PAQR7: variants seen among roughly 807,000 people sequenced by gnomAD.
PAQR7 encodes progestin and adipoQ receptor family member 7, also known as membrane progestin receptor alpha.
Under a neutral mutation model 24.6 loss-of-function variants are expected in PAQR7, and 14 were observed. That is an observed-to-expected ratio of 0.57 (90% CI 0.38 to 0.89). PAQR7 has a LOEUF of 0.89. Among genes scored for constraint, PAQR7 ranks in the 40% least tolerant of loss-of-function variants. The pLI is 0.00. For missense variants in PAQR7, 351 were observed against 444.0 expected (o/e 0.79, Z 1.88); for synonymous variants, 189 against 198.8 (o/e 0.95, Z 0.42).
Position 25,863,829 on chromosome 1 carries a change from G to A in PAQR7, c.11C>T (p.Ala4Val). Reference protein sequence around the residue: MAMAQKLSHLLPSL... With the variant: MAMVQKLSHLLPSL... ...CGGCAGGAGGTGGCTGAGTTTCTGG[G>A]CCATGGCCATGGCTGTGGGCCTGGG... The change falls in exon 3 of 3, where the codon GCC becomes GTC. Residue 4 changes from alanine to valine, a missense_variant. Ala to Val is a moderately conservative substitution (Grantham distance 64, BLOSUM62 0). Transcript: ENST00000675840. This position sits in a 1 kb window ranked among gnomAD's most constrained non-coding sequence, Gnocchi z 6.1. 6.2e-7 allele frequency: 1 copy of A among 1,610,520 alleles called. No homozygotes were observed. The highest frequency in any genetic ancestry group is 8.5e-7 in the Non-Finnish European group (1 of 1,178,184).
At chr1:25,874,193 T>TTC (rs1298560485) in intron 1 of PAQR7, among the ~76,000 whole-genome samples, 1 of 151,298 alleles carries the variant, frequency 6.6e-6, no homozygotes, top group Non-Finnish European at 1.5e-5. Flanking sequence ...TTTTTTTTTT[T>TTC]TTTTTAAACA....
rs1572276297 is a variant in PAQR7 at position 25,863,947 on chromosome 1, A to C, written c.-22-86T>G. On this transcript the variant is annotated intron_variant, in intron 2 of 2. Transcript: ENST00000675840. The surrounding 1 kb of genome is among the most constrained non-coding windows in gnomAD (Gnocchi z 6.1). ...TGGGGGGCTCTGATGCCCAAATCCT[A>C]CTCCCTCCTCTCCGACAGCCTTATC... 1.0e-6 allele frequency: 1 copy of C among 973,994 alleles called. No homozygotes were observed. Among genetic ancestry groups the C allele is most frequent in the Non-Finnish European group, 1.5e-6 (1 of 668,524 alleles). The allele number at this position is 973,994 out of a possible 1,614,324, so 60.3% of individuals were successfully genotyped here.
chr1:25,870,919 T>A (rs908738923), intron 1 of PAQR7: 8 of 152,320 alleles, frequency 5.3e-5, no homozygotes, highest in Admixed American at 2.6e-4. Flanking sequence ...GCTGTAAAGA[T>A]TAAATTTATT....
chr1:25,875,251 C>T lies in PAQR7; in HGVS notation c.-109+237G>A, dbSNP rs959900227. Among the ~76,000 whole-genome samples the T allele has an allele frequency of 3.3e-5, 5 of 152,204 alleles. No homozygotes were observed. The highest frequency in any genetic ancestry group is 1.2e-4 in the African/African-American group (5 of 41,462). The stretch of plus-strand genomic sequence containing the variant: ...CCAAGACGCCCCCATCCAGCGAGCT[C>T]CTCCTTCCTGCGCCCTCCGCTGGCT... On this transcript the variant is annotated intron_variant, in intron 1 of 2. Coordinates refer to ENST00000675840, the MANE Select transcript of PAQR7 (RefSeq NM_178422.6). This position sits in a 1 kb window ranked among gnomAD's most constrained non-coding sequence, Gnocchi z 5.4.
At chr1:25,870,990 A>G (rs1305164391) in intron 1 of PAQR7, 1 of 152,206 alleles carries the variant, frequency 6.6e-6, no homozygotes, top group African/African-American at 2.4e-5. Flanking sequence ...ATTAATAATA[A>G]TAGTAGTAGT....
intron 2 of PAQR7, among the ~76,000 whole-genome samples, chr1:25,864,368 A>G (rs2048539641): frequency 2.0e-5 from 3 of 152,110 alleles, no homozygotes; most frequent in Middle Eastern, 3.4e-3. Context: ...CTGACCCTCC[A>G]TTACCCTGCA....
rs1301793894 is a variant in PAQR7 at position 25,875,309 on chromosome 1, C to T, written c.-109+179G>A. Among the ~76,000 whole-genome samples the T allele has an allele frequency of 4.6e-5, 7 of 152,168 alleles. No individual in the cohort carries two copies. Among genetic ancestry groups the T allele is most frequent in the Admixed American group, 4.6e-4 (7 of 15,288 alleles). On this transcript the variant is annotated intron_variant, in intron 1 of 2. Transcript: ENST00000675840. The surrounding 1 kb of genome is among the most constrained non-coding windows in gnomAD (Gnocchi z 5.4). Reference sequence around the variant, plus strand: ...CGGGCGGGCGTCCTCTCACTTAGCCCAGGTGCTCCCCTCCGGCTCCGCGTC... The same window carrying T: ...CGGGCGGGCGTCCTCTCACTTAGCCTAGGTGCTCCCCTCCGGCTCCGCGTC...
In PAQR7 at chr1:25,863,046, G is replaced by T; in HGVS notation, c.794C>A (p.Pro265His). Residue 265 changes from proline (P) to histidine (H), a missense_variant, in exon 3 of 3, where the codon CCT (proline) becomes CAT (histidine). Coordinates refer to ENST00000675840, the MANE Select transcript of PAQR7 (RefSeq NM_178422.6). The surrounding 1 kb of genome is among the most constrained non-coding windows in gnomAD (Gnocchi z 6.1). ...FSTFMPERWF[P>H]GSCHVFGQGH... Reference sequence around the variant, plus strand: ...CTGCCCGAAGACATGGCAGCTGCCAGGGAACCAGCGCTCGGGCATGAAGGT... The same window carrying T: ...CTGCCCGAAGACATGGCAGCTGCCATGGAACCAGCGCTCGGGCATGAAGGT... 6.2e-7 allele frequency: 1 copy of T among 1,614,132 alleles called. No homozygotes were observed. Among genetic ancestry groups the T allele is most frequent in the Non-Finnish European group, 8.5e-7 (1 of 1,180,058 alleles).
Position 25,863,295 on chromosome 1 carries a change from G to A in PAQR7, c.545C>T (p.Ala182Val). The change falls in exon 3 of 3, where the codon GCC becomes GTC. Residue 182 changes from alanine to valine, a missense_variant. Transcript: ENST00000675840. This position sits in a 1 kb window ranked among gnomAD's most constrained non-coding sequence, Gnocchi z 6.1. Reference sequence around the variant, plus strand: ...GCAGGAGCCAATGCAGGAAAGCCAGGCGAGAAAGGCAGCCATGGGCAGAAA... The same window carrying A: ...GCAGGAGCCAATGCAGGAAAGCCAGACGAGAAAGGCAGCCATGGGCAGAAA... ...AVFLPMAAFL[A>V]WLSCIGSCYN... is the part of the protein sequence containing the mutation. 1.9e-6 allele frequency: 3 copies of A among 1,614,256 alleles called. No individual in the cohort carries two copies. The South Asian group carries it at 3.3e-5, about 18-fold the overall frequency.
intron 1 of PAQR7, among the ~76,000 whole-genome samples, chr1:25,874,870 G>A (rs2048636180): frequency 6.6e-6 from 1 of 152,184 alleles, no homozygotes; most frequent in African/African-American, 2.4e-5. Context: ...CCCCCAAGGT[G>A]TCTAGACTGC....
At chr1:25,872,007 C>T (rs758487929) in intron 1 of PAQR7, among the ~76,000 whole-genome samples, 2 of 152,302 alleles carry the variant, frequency 1.3e-5, no homozygotes, top group South Asian at 2.1e-4. Flanking sequence ...GCAGGCTCTC[C>T]GGCAGGCTGT....
In PAQR7 at chr1:25,875,461, G is replaced by T. The variant is rs2048643406; in HGVS notation, c.-109+27C>A. On this transcript the variant is annotated intron_variant, in intron 1 of 2. Transcript: ENST00000675840. The surrounding 1 kb of genome is among the most constrained non-coding windows in gnomAD (Gnocchi z 5.4). Reference sequence around the variant, plus strand: ...GAGCACCCTCGTCTGCGGCCAGCCAGGCCTCCCCGTCTTGGCAGCCCCGTA... The same window carrying T: ...GAGCACCCTCGTCTGCGGCCAGCCATGCCTCCCCGTCTTGGCAGCCCCGTA... Among the ~76,000 whole-genome samples, 1 of 152,104 alleles carries T rather than the reference G, an allele frequency of 6.6e-6. No individual in the cohort carries two copies. The highest frequency in any genetic ancestry group is 6.5e-5 in the Admixed American group (1 of 15,276).
Position 25,865,531 on chromosome 1 carries a change from C to T in PAQR7, c.-22-1670G>A, listed in dbSNP as rs1481353336. On this transcript the variant is annotated intron_variant, in intron 2 of 2. Transcript: ENST00000675840. ...CTCTACTAAAAATACAAAACTAGGCCGGGCATGGTGGCTCACGCCTGTAAT... is the reference window on the plus strand; with the variant it reads ...CTCTACTAAAAATACAAAACTAGGCTGGGCATGGTGGCTCACGCCTGTAAT... Among the ~76,000 whole-genome samples, 3 of 152,036 alleles carry T rather than the reference C, an allele frequency of 2.0e-5. 1 individual carries two copies. The South Asian group carries it at 6.2e-4, about 32-fold the overall frequency.
At position 25,873,020 on chromosome 1, in the gene PAQR7, C is replaced by T. The variant is rs971908944; in HGVS notation, c.-108-2326G>A. Among the ~76,000 whole-genome samples, 4 of 152,144 alleles carry T rather than the reference C, an allele frequency of 2.6e-5. No homozygotes were observed. In the South Asian group the frequency reaches 6.2e-4, roughly 24 times the overall value. ...CTCAGCATGGAAGGGAAAGTCTAAC[C>T]CCATTAGATACAAATAATAAGGCCA... On this transcript the variant is annotated intron_variant, in intron 1 of 2. Transcript: ENST00000675840.
At chr1:25,872,299 C>A (rs752482213) in intron 1 of PAQR7, among the ~76,000 whole-genome samples, 1 of 152,164 alleles carries the variant, frequency 6.6e-6, no homozygotes, top group Non-Finnish European at 1.5e-5. Flanking sequence ...GTCCCCTCCC[C>A]TCTTGGCCCT....
rs1204673124 is a variant in PAQR7 at position 25,861,614 on chromosome 1, C to T, written c.*1185G>A. The T allele has an allele frequency of 6.6e-6, 1 of 152,496 alleles. No individual in the cohort carries two copies. The highest frequency in any genetic ancestry group is 1.5e-5 in the Non-Finnish European group (1 of 68,286). The allele number at this position is 152,496 out of a possible 1,614,324, so 9.4% of individuals were successfully genotyped here. A position where few individuals can be genotyped will look rare whatever the true frequency, so the allele number is the denominator to read the frequency against. On this transcript the variant is annotated 3_prime_UTR_variant, in exon 3 of 3. Coordinates refer to ENST00000675840, the MANE Select transcript of PAQR7 (RefSeq NM_178422.6). ...CTGCCTGGAATGCCCTTCCTATTCT[C>T]CATCTGCAAACTCCTATTCACACTC...
At chr1:25,867,376 G>A (rs142463360) in intron 2 of PAQR7, among the ~76,000 whole-genome samples, 163 of 152,178 alleles carry the variant, frequency 1.1e-3, no homozygotes, top group African/African-American at 3.6e-3. Context: ...GGTGGCAAGG[G>A]CTATTTATCG....
intron 1 of PAQR7, among the ~76,000 whole-genome samples, chr1:25,871,481 G>C (rs373417483): frequency 6.6e-6 from 1 of 152,144 alleles, no homozygotes; most frequent in African/African-American, 2.4e-5. Flanking sequence ...TCTGAAGTGC[G>C]ATCTCCAGGG....
chr1:25,867,451 G>T (rs2048566754), intron 2 of PAQR7, among the ~76,000 whole-genome samples: 1 of 152,102 alleles, frequency 6.6e-6, no homozygotes, highest in Non-Finnish European at 1.5e-5. Flanking sequence ...GTCATTCATT[G>T]TGTTATTCAT....
Sources: gnomAD v4.1 joint callset for allele counts (sites outside exome capture counted in the v4.1 genomes callset) on GRCh38, gnomAD v4.1.1 for gene constraint, Gnocchi (gnomAD v3.1) non-coding constraint, MANE v1.5 for transcripts, NCBI Gene and HGNC (gene_info 2026-07-23, HGNC 2026-07-21) for gene names.